TAFA4: variants seen among roughly 807,000 people sequenced by gnomAD.
TAFA4 encodes the protein TAFA chemokine like family member 4.
In TAFA4, 20 loss-of-function variants were observed where a neutral mutation model predicts 21.1. The observed-to-expected ratio is 0.95, with a 90% confidence interval of 0.67 to 1.38. TAFA4 has a LOEUF of 1.38. TAFA4 is among the 40% of genes most tolerant of loss of function. The pLI, the probability that TAFA4 is intolerant of heterozygous loss-of-function variation, is 0.00. For synonymous variants in TAFA4, 71 were observed against 67.4 expected, an observed-to-expected ratio of 1.05 and a Z score of -0.26; for missense variants, 211 against 180.9, an observed-to-expected ratio of 1.17 and a Z score of -0.95.
Position 68,799,990 on chromosome 3 carries a change from C to T in TAFA4, c.131-46972G>A, listed in dbSNP as rs115216042. ...CGCACATGTGGGGGATCTAGGTTGC[C>T]GCTCCTTATGAGAATCTAATGCCTA... On this transcript the variant is annotated intron_variant, in intron 3 of 5. Coordinates refer to ENST00000295569, the MANE Select transcript of TAFA4 (RefSeq NM_182522.5). Among the ~76,000 whole-genome samples, 665 of 152,038 alleles carry T rather than the reference C, an allele frequency of 4.4e-3. 2 individuals are homozygous for T. The highest frequency in any genetic ancestry group is 0.01 in the Middle Eastern group (3 of 294).
intron 3 of TAFA4, among the ~76,000 whole-genome samples, chr3:68,815,929 T>C (rs1021494437): frequency 1.1e-4 from 17 of 152,164 alleles, no homozygotes; most frequent in African/African-American, 3.9e-4. Flanking sequence ...TGTCCAACAA[T>C]GATAGACTGG....
chr3:68,824,500 C>T (rs1704183272), intron 3 of TAFA4, among the ~76,000 whole-genome samples: 1 of 152,158 alleles, frequency 6.6e-6, no homozygotes, highest in African/African-American at 2.4e-5. Flanking sequence ...TGTAAAAGGA[C>T]CTTGGTGATG....
intron 3 of TAFA4, among the ~76,000 whole-genome samples, chr3:68,868,655 G>A (rs1324758428): frequency 6.6e-6 from 1 of 151,896 alleles, no homozygotes; most frequent in Non-Finnish European, 1.5e-5. Context: ...TGATCAATGG[G>A]AAAATGAAGC....
chr3:68,831,955 T>A (rs541787578), intron 3 of TAFA4, among the ~76,000 whole-genome samples: 31 of 152,290 alleles, frequency 2.0e-4, no homozygotes, highest in African/African-American at 7.5e-4. Context: ...TAGCCTTTCT[T>A]GTCCTTGATC....
intron 3 of TAFA4, among the ~76,000 whole-genome samples, chr3:68,763,364 C>A (rs748520593): frequency 6.6e-6 from 1 of 152,178 alleles, no homozygotes; most frequent in Non-Finnish European, 1.5e-5. Context: ...TCCCAGCTCT[C>A]TTTCCCTTTT....
In TAFA4 at chr3:68,917,426, T is replaced by TC. The variant is rs752161929; in HGVS notation, c.-123+14813dup. 4.0e-4 allele frequency among the ~76,000 whole-genome samples: 60 copies of TC among 151,636 alleles called. 1 individual carries two copies. The East Asian group carries it at 7.4e-3, about 19-fold the overall frequency. ...CAAGCTCAAAGCAGAATCAGAGACC[T>TC]CCCCCCCTGTGTGTCAGTGTGGAAC... On this transcript the variant is annotated intron_variant, in intron 1 of 5. Transcript: ENST00000295569.
At chr3:68,803,237 G>A (rs1411447939) in intron 3 of TAFA4, among the ~76,000 whole-genome samples, 1 of 152,194 alleles carries the variant, frequency 6.6e-6, no homozygotes, top group Non-Finnish European at 1.5e-5. Context: ...TAGATAATGA[G>A]AAATAAATAG....
intron 4 of TAFA4, among the ~76,000 whole-genome samples, chr3:68,747,493 G>T (rs1053154116): frequency 6.6e-6 from 1 of 152,144 alleles, no homozygotes; most frequent in Admixed American, 6.5e-5. Context: ...TGCCATGTAA[G>T]ACATGCCTTT....
chr3:68,868,985 G>C (rs546872539), intron 3 of TAFA4, among the ~76,000 whole-genome samples: 14 of 151,282 alleles, frequency 9.3e-5, no homozygotes, highest in South Asian at 4.2e-4. Context: ...GCTAGACTAA[G>C]AATAAAAAGA....
intron 3 of TAFA4, among the ~76,000 whole-genome samples, chr3:68,772,252 G>C (rs981481087): frequency 6.6e-6 from 1 of 152,168 alleles, no homozygotes; most frequent in Non-Finnish European, 1.5e-5. Flanking sequence ...AAAATATTAA[G>C]GCATGTGTGA....
At chr3:68,744,801 GAACTCTTATGAGA>G (rs1702424163) in intron 4 of TAFA4, among the ~76,000 whole-genome samples, 1 of 152,140 alleles carries the variant, frequency 6.6e-6, no homozygotes, top group Non-Finnish European at 1.5e-5. Flanking sequence ...GACCAAGACA[GAACTCTTATGAGA>G]TTATCTACCA....
intron 3 of TAFA4, among the ~76,000 whole-genome samples, chr3:68,785,443 G>A (rs576131539): frequency 6.6e-6 from 1 of 152,230 alleles, no homozygotes; most frequent in Non-Finnish European, 1.5e-5. Context: ...GCGGGCTGCG[G>A]GTCCCAAGCC....
At chr3:68,843,528 G>T (rs1704716607) in intron 3 of TAFA4, among the ~76,000 whole-genome samples, 1 of 152,142 alleles carries the variant, frequency 6.6e-6, no homozygotes, top group Admixed American at 6.6e-5. Context: ...TTGCCTGATT[G>T]CCCCAGCCAG....
At chr3:68,760,493 T>G (rs1314405051) in intron 3 of TAFA4, among the ~76,000 whole-genome samples, 1 of 152,182 alleles carries the variant, frequency 6.6e-6, no homozygotes, top group Non-Finnish European at 1.5e-5. Flanking sequence ...CTCCTTTTGT[T>G]GAAATCCTTT....
At chr3:68,750,202 T>A (rs1702535307) in intron 4 of TAFA4, among the ~76,000 whole-genome samples, 1 of 152,116 alleles carries the variant, frequency 6.6e-6, no homozygotes, top group Admixed American at 6.6e-5. Flanking sequence ...GAGGCAGAGG[T>A]AGGAGGATTG....
chr3:68,834,733 T>C (rs1704482742), intron 3 of TAFA4, among the ~76,000 whole-genome samples: 1 of 152,130 alleles, frequency 6.6e-6, no homozygotes, highest in South Asian at 2.1e-4. Context: ...GATTCCCCTC[T>C]TTCTCTTACA....
chr3:68,868,831 T>C (rs919311920), intron 3 of TAFA4, among the ~76,000 whole-genome samples: 3 of 151,738 alleles, frequency 2.0e-5, no homozygotes, highest in Non-Finnish European at 2.9e-5. Context: ...CTCAGTAAAC[T>C]AGAAGACAAC....
intron 3 of TAFA4, among the ~76,000 whole-genome samples, chr3:68,794,921 G>C (rs2106818152): frequency 6.6e-6 from 1 of 150,900 alleles, no homozygotes; most frequent in South Asian, 2.1e-4. Context: ...ACCAAGAGTA[G>C]ATATAGATGA....
In TAFA4 at chr3:68,885,880, T is replaced by C. The variant is rs2089667813; in HGVS notation, c.-122-570A>G. 2.0e-5 allele frequency among the ~76,000 whole-genome samples: 3 copies of C among 152,280 alleles called. No individual in the cohort carries two copies. The South Asian group carries it at 6.2e-4, about 32-fold the overall frequency. On this transcript the variant is annotated intron_variant, in intron 1 of 5. Coordinates refer to ENST00000295569, the MANE Select transcript of TAFA4 (RefSeq NM_182522.5). ...AAATATAAAGAACACTTGTGAATACTGTAGTTGACATTCCCTCAACGCATA... is the reference window on the plus strand; with the variant it reads ...AAATATAAAGAACACTTGTGAATACCGTAGTTGACATTCCCTCAACGCATA...
Sources: allele counts gnomAD v4.1 joint callset (sites outside exome capture counted in the v4.1 genomes callset), GRCh38; gene constraint gnomAD v4.1.1; transcripts MANE v1.5; gene names NCBI Gene and HGNC (gene_info 2026-07-23, HGNC 2026-07-21).